The following ARID1A variants were observed in gnomAD, a reference collection of about 807,000 sequenced individuals.
ARID1A encodes AT-rich interaction domain 1A.
In ARID1A, 20 loss-of-function variants were observed where a neutral mutation model predicts 212.6. That is an observed-to-expected ratio of 0.09 (90% CI 0.07 to 0.14). The LOEUF (loss-of-function observed/expected upper bound fraction) is 0.14, where lower values mean the gene tolerates loss of function less well. Ranked by LOEUF, ARID1A falls within the 10% of genes least tolerant of loss-of-function variation. The pLI, the probability that ARID1A is intolerant of heterozygous loss-of-function variation, is 1.00. For synonymous variants in ARID1A, 1,376 were observed against 1,222.1 expected (o/e 1.13, Z -2.63); for missense variants, 2,587 against 3,059.0 (o/e 0.85, Z 3.64).
At chr1:26,733,210 G>A (rs948656611) in intron 4 of ARID1A, among the ~76,000 whole-genome samples, 5 of 152,270 alleles carry the variant, frequency 3.3e-5, no homozygotes, top group African/African-American at 7.2e-5. Flanking sequence ...CACATTGAGC[G>A]TGGCTGGAGC....
chr1:26,775,353 A>G (rs1401115139), intron 18 of ARID1A, 133 bp downstream of exon 18: 1 of 1,431,112 alleles, frequency 7.0e-7, no homozygotes, highest in Non-Finnish European at 9.2e-7. Flanking sequence ...AGAACTTTGG[A>G]AAAGGAAGAA....
At chr1:26,775,247 C>T (rs2081123906) in intron 18 of ARID1A, 27 bp downstream of exon 18, 1 of 1,541,386 alleles carries the variant, frequency 6.5e-7, no homozygotes, top group African/African-American at 1.4e-5. Context: ...CATTCGGTTG[C>T]CTAATCTGCC....
rs769050142 is a variant in ARID1A, at chr1:26,763,045, GCATAAACCC to G, written c.2496_2504del (p.Ile832_Pro834del). On this transcript the variant is annotated inframe_deletion, in exon 8 of 20. Transcript: ENST00000324856. ...TACCCCAGTGCAGGCATGGCTGGAGGCATAAACCCCATGGGTGCCGGAGGTCAAATGCAT... is the reference window on the plus strand; with the variant it reads ...TACCCCAGTGCAGGCATGGCTGGAGGCATGGGTGCCGGAGGTCAAATGCAT... 1 of 1,614,126 alleles carries G rather than the reference GCATAAACCC, an allele frequency of 6.2e-7. No homozygotes were observed. The highest frequency in any genetic ancestry group is 8.5e-7 in the Non-Finnish European group (1 of 1,179,948).
At chr1:26,718,408 C>G (rs1424563334) in intron 1 of ARID1A, among the ~76,000 whole-genome samples, 1 of 152,192 alleles carries the variant, frequency 6.6e-6, no homozygotes, top group East Asian at 1.9e-4. Flanking sequence ...TAGAACTGGC[C>G]ATGTACAATA....
rs2124118353 is a variant in ARID1A at position 26,774,527 on chromosome 1, G to A, written c.4300G>A (p.Ala1434Thr). Residue 1434 changes from alanine to threonine, a missense_variant, in exon 18 of 20, where the codon GCC (alanine) becomes ACC (threonine). Coordinates refer to ENST00000324856, the MANE Select transcript of ARID1A (RefSeq NM_006015.6). This position sits in a 1 kb window ranked among gnomAD's most constrained non-coding sequence, Gnocchi z 5.6. ...AGATGTATACAACCAGTATGGCAAT[G>A]CCTATCCTGCCACTGCCACAGCTGC... ...QQDVYNQYGN[A>T]YPATATAATE... The A allele has an allele frequency of 6.2e-7, 1 of 1,614,088 alleles. No homozygotes were observed.
chr1:26,696,098 C>G lies in ARID1A; in HGVS notation c.-306C>G. 2.2e-6 allele frequency: 1 copy of G among 461,948 alleles called. No individual in the cohort carries two copies. 28.6% of individuals were successfully genotyped at this position (461,948 alleles called of 1,614,324 possible). A position where few individuals can be genotyped will look rare whatever the true frequency, so the allele number is the denominator to read the frequency against. ...GAGCCTCCACCGCCCCCCTCATTCC[C>G]AGGCAAGGGCTTGGGGGGAATGAGC... On this transcript the variant is annotated 5_prime_UTR_variant, in exon 1 of 20. Coordinates refer to ENST00000324856, the MANE Select transcript of ARID1A (RefSeq NM_006015.6).
chr1:26,739,726 G>A (rs1284625457), intron 4 of ARID1A, among the ~76,000 whole-genome samples: 3 of 152,192 alleles, frequency 2.0e-5, no homozygotes, highest in Non-Finnish European at 4.4e-5. Context: ...CACCCTGGGA[G>A]CTCCTCTGCT....
At chr1:26,761,214 C>T in intron 5 of ARID1A, 118 bp downstream of exon 5, 1 of 1,497,076 alleles carries the variant, frequency 6.7e-7, no homozygotes, top group Non-Finnish European at 9.0e-7. Context: ...GCATAGTTTC[C>T]CCTTAGCATT....
At chr1:26,753,938 C>G (rs536044921) in intron 4 of ARID1A, among the ~76,000 whole-genome samples, 9 of 152,256 alleles carry the variant, frequency 5.9e-5, no homozygotes, top group Admixed American at 1.3e-4. Context: ...TCCCGAGTAG[C>G]TGGGACTACA....
intron 6 of ARID1A, 145 bp downstream of exon 6, chr1:26,761,618 T>G (rs749852222): frequency 1.7e-4 from 126 of 762,926 alleles, no homozygotes; most frequent in Middle Eastern, 7.5e-4. Flanking sequence ...AAAGTTGACG[T>G]AATAATTGTA....
chr1:26,716,203 CA>C (rs111787612), intron 1 of ARID1A, among the ~76,000 whole-genome samples: 10,263 of 64,884 alleles, frequency 0.16, 389 homozygotes, highest in Non-Finnish European at 0.17. Context: ...GATTCCGTCT[CA>C]AAAAAAAAAA....
intron 1 of ARID1A, among the ~76,000 whole-genome samples, chr1:26,705,762 T>G (rs2080386067): frequency 6.6e-6 from 1 of 152,214 alleles, no homozygotes; most frequent in African/African-American, 2.4e-5. Context: ...AATTAGTTTT[T>G]TACTGAATGT....
At chr1:26,768,896 T>G (rs1386769539) in intron 11 of ARID1A, among the ~76,000 whole-genome samples, 1 of 152,152 alleles carries the variant, frequency 6.6e-6, no homozygotes, top group Non-Finnish European at 1.5e-5. Flanking sequence ...AGGGAGGGAT[T>G]TATTCCAAAC....
chr1:26,768,105 C>T, intron 11 of ARID1A, 106 bp downstream of exon 11: 5 of 1,244,404 alleles, frequency 4.0e-6, no homozygotes, highest in Non-Finnish European at 4.5e-6. Flanking sequence ...GACATCATCC[C>T]CTCTCCCGCT....
chr1:26,697,178 G>A lies in ARID1A; in HGVS notation c.775G>A (p.Ala259Thr), dbSNP rs2080275709. ...SKPPPSSSAS[A>T]SSSSSSFAQQ... ...GCCGCCTCCCTCCTCCAGCGCCTCC[G>A]CCTCCTCGTCGTCTTCGTCCTTCGC... The change falls in exon 1 of 20, where the codon GCC becomes ACC. Residue 259 changes from alanine (A) to threonine (T), a missense_variant. Around this residue, in one of 11 missense-constraint regions of ARID1A, gnomAD observed 735 missense variants for 590.6 expected, o/e 1.24. Transcript: ENST00000324856. 1.4e-6 allele frequency: 2 copies of A among 1,430,560 alleles called. No individual in the cohort carries two copies. Among genetic ancestry groups the A allele is most frequent in the East Asian group, 3.0e-5 (1 of 33,604 alleles). 88.6% of individuals were successfully genotyped at this position (1,430,560 alleles called of 1,614,324 possible). A position where few individuals can be genotyped will look rare whatever the true frequency, so the allele number is the denominator to read the frequency against.
chr1:26,767,447 G>GA (rs982694669), intron 10 of ARID1A, among the ~76,000 whole-genome samples: 10 of 152,206 alleles, frequency 6.6e-5, no homozygotes, highest in African/African-American at 2.2e-4. Context: ...ACAAGGATTT[G>GA]ATACTCAGCC....
intron 19 of ARID1A, 90 bp from the exon 20 acceptor site, chr1:26,778,933 C>A: frequency 7.7e-7 from 1 of 1,304,804 alleles, no homozygotes; most frequent in Non-Finnish European, 1.0e-6. Flanking sequence ...CCAACTGATA[C>A]AGAAGACTTG....
intron 2 of ARID1A, 112 bp from the exon 3 acceptor site, chr1:26,731,040 C>A: frequency 8.4e-7 from 1 of 1,188,152 alleles, no homozygotes; most frequent in South Asian, 1.4e-5. Flanking sequence ...AAGTATGAGG[C>A]CTTGCATGCT....
chr1:26,739,759 C>G (rs929145137), intron 4 of ARID1A, among the ~76,000 whole-genome samples: 1 of 152,100 alleles, frequency 6.6e-6, no homozygotes, highest in Non-Finnish European at 1.5e-5. Context: ...TCACTGGATC[C>G]CTTCCTTTAG....
Sources: allele counts gnomAD v4.1 joint callset (sites outside exome capture counted in the v4.1 genomes callset), GRCh38; gene constraint gnomAD v4.1.1; regional missense constraint gnomAD v4.1.1; non-coding constraint Gnocchi (gnomAD v3.1); transcripts MANE v1.5; gene names NCBI Gene and HGNC (gene_info 2026-07-23, HGNC 2026-07-21).